GAS6: variants seen among roughly 807,000 people sequenced by gnomAD.
GAS6 encodes growth arrest specific 6.
GAS6 carries 41 observed loss-of-function variants against 75.8 expected under a neutral mutation model. That is an observed-to-expected ratio of 0.54 (90% CI 0.42 to 0.70). The LOEUF is 0.70. Ranked by LOEUF, GAS6 falls within the 30% of genes least tolerant of loss-of-function variation. The pLI is 0.00. For synonymous variants in GAS6, 432 were observed against 412.6 expected (o/e 1.05, Z -0.57); for missense variants, 854 against 940.2 (o/e 0.91, Z 1.20).
At chr13:113,846,809 C>A (rs2051837333) in intron 3 of GAS6, among the ~76,000 whole-genome samples, 3 of 152,236 alleles carry the variant, frequency 2.0e-5, no homozygotes, top group Admixed American at 1.3e-4. Flanking sequence ...GAGTTGTGCA[C>A]CCACAGTCAA....
In GAS6 at chr13:113,863,810, G is replaced by T. The variant is rs931900426; in HGVS notation, c.88+23C>A. On this transcript the variant is annotated intron_variant, in intron 1 of 14. Transcript: ENST00000327773. The surrounding 1 kb of genome is among the most constrained non-coding windows in gnomAD (Gnocchi z 9.4). ...GCCTCCTCCCGCCGCCCGGGGACGG[G>T]GTCTCGGGCCCGCGGGACTCACCAA... 1.4e-6 allele frequency: 2 copies of T among 1,383,150 alleles called. No individual in the cohort carries two copies. The highest frequency in any genetic ancestry group is 1.9e-6 in the Non-Finnish European group (2 of 1,080,938). The allele number at this position is 1,383,150 out of a possible 1,614,324, so 85.7% of individuals were successfully genotyped here.
chr13:113,823,138 C>T (rs2051482608), intron 13 of GAS6: 1 of 465,700 alleles, frequency 2.1e-6, no homozygotes, highest in Non-Finnish European at 3.8e-6. Context: ...CACTGTGAGC[C>T]GAGTGTGGCT....
Position 113,846,569 on chromosome 13 carries a change from A to G in GAS6, c.301T>C (p.Ser101Pro), listed in dbSNP as rs981050896. The change falls in exon 4 of 15, where the codon TCT (serine) becomes CCT (proline). Residue 101 changes from serine to proline, a missense_variant. Transcript: ENST00000327773. ...RYLDCINKYG[S>P]PYTKNSGFAT... ...AAGCCTGAGTTTTTGGTGTACGGAG[A>G]CCCATACTTGTTGATGCAGTCTGCA... 1 of 1,613,996 alleles carries G rather than the reference A, an allele frequency of 6.2e-7. No homozygotes were observed. The highest frequency in any genetic ancestry group is 1.3e-5 in the African/African-American group (1 of 75,042).
At position 113,828,535 on chromosome 13, in the gene GAS6, T is replaced by G. The variant is rs774690143; in HGVS notation, c.1308+12A>C. Reference sequence around the variant, plus strand: ...CACGGCGCGTCTACACAGGGACAGGTACAGTACTCACAGGCTGCACGAGGT... The same window carrying G: ...CACGGCGCGTCTACACAGGGACAGGGACAGTACTCACAGGCTGCACGAGGT... On this transcript the variant is annotated intron_variant, in intron 11 of 14. Transcript: ENST00000327773. The G allele has an allele frequency of 5.0e-6, 8 of 1,611,726 alleles. No individual in the cohort carries two copies. The African/African-American group carries it at 1.1e-4, about 22-fold the overall frequency.
At chr13:113,840,742 G>C (rs1451922615) in intron 4 of GAS6, 1 of 152,236 alleles carries the variant, frequency 6.6e-6, no homozygotes, top group Non-Finnish European at 1.5e-5. Flanking sequence ...GAAGCAGCTC[G>C]GGGCTGAGCA....
chr13:113,860,890 G>GT lies in GAS6; in HGVS notation c.255+2684dup, dbSNP rs542292223. Among the ~76,000 whole-genome samples, 6 of 152,308 alleles carry GT rather than the reference G, an allele frequency of 3.9e-5. No individual in the cohort carries two copies. In the South Asian group the frequency reaches 1.2e-3, roughly 32 times the overall value. ...GGGCTTAGTATCCGCCTGCTGGAAG[G>GT]TGGGGGTCTGCAGAGCAGGCACTTC... On this transcript the variant is annotated intron_variant, in intron 2 of 14. Transcript: ENST00000327773.
At chr13:113,821,218 G>A (rs2051453602) in intron 14 of GAS6, 200 bp from the exon 15 acceptor site, 2 of 607,366 alleles carry the variant, frequency 3.3e-6, no homozygotes, top group South Asian at 2.0e-5. Flanking sequence ...GCCAGCCTGG[G>A]CTCTGCAGAC....
chr13:113,852,975 C>T (rs140644064), intron 2 of GAS6, among the ~76,000 whole-genome samples: 2,381 of 152,286 alleles, frequency 0.016, 35 homozygotes, highest in Non-Finnish European at 0.021. Flanking sequence ...GTGAAGAGAC[C>T]CTCCAAGGGG....
chr13:113,832,747 G>A lies in GAS6; in HGVS notation c.840C>T (p.Ile280=), dbSNP rs527535980. Reference sequence around the variant, plus strand: ...CCACGCTGAAGGGCACGCACGGCAAGATGTCCTGCCACGGACGGGGGCCAC... The same window carrying A: ...CCACGCTGAAGGGCACGCACGGCAAAATGTCCTGCCACGGACGGGGGCCAC... ...LSQDMDTCED[I]LPCVPFSVAK... Residue 280 remains isoleucine, a synonymous_variant, in exon 9 of 15, where the codon ATC becomes ATT. Transcript: ENST00000327773. 3.1e-6 allele frequency: 5 copies of A among 1,612,694 alleles called. No individual in the cohort carries two copies. In the East Asian group the frequency reaches 1.1e-4, roughly 36 times the overall value.
intron 10 of GAS6, among the ~76,000 whole-genome samples, chr13:113,830,137 A>G (rs554283174): frequency 6.6e-6 from 1 of 152,370 alleles, no homozygotes; most frequent in African/African-American, 2.4e-5. Context: ...CCTGAGCTTC[A>G]GAAGAATATC....
rs538762230 is a variant in GAS6, at chr13:113,856,780, G to A, written c.255+6795C>T. ...CCACTGCGCCTCCCTGAGAGCTCCC[G>A]CGTCCGGGCTGCCCTCATTTGGAGT... On this transcript the variant is annotated intron_variant, in intron 2 of 14. Coordinates refer to ENST00000327773, the MANE Select transcript of GAS6 (RefSeq NM_000820.4). Among the ~76,000 whole-genome samples the A allele has an allele frequency of 3.0e-3, 450 of 152,328 alleles. 6 individuals carry two copies. The highest frequency in any genetic ancestry group is 0.01 in the African/African-American group (427 of 41,558).
At position 113,821,043 on chromosome 13, in the gene GAS6, T is replaced by A. The variant is rs371141185; in HGVS notation, c.1883-25A>T. 1.9e-6 allele frequency: 3 copies of A among 1,605,796 alleles called. No individual in the cohort carries two copies. In the African/African-American group the frequency reaches 4.0e-5, roughly 21 times the overall value. ...TCTGGGCCGCAGGGAGAGAACAACA[T>A]ATCTTAGCTCACCACGTGGCCGGCC... On this transcript the variant is annotated intron_variant, in intron 14 of 14. Transcript: ENST00000327773.
At chr13:113,821,064 C>T (rs375245164) in intron 14 of GAS6, 46 bp from the exon 15 acceptor site, 16 of 1,590,680 alleles carry the variant, frequency 1.0e-5, no homozygotes, top group African/African-American at 4.0e-5. Flanking sequence ...ACCACGTGGC[C>T]GGCCCCGCCT....
Position 113,826,592 on chromosome 13 carries a change from A to G in GAS6, c.1477+404T>C, listed in dbSNP as rs1196311542. 1.6e-4 allele frequency among the ~76,000 whole-genome samples: 13 copies of G among 82,190 alleles called. 3 individuals are homozygous for G. The highest frequency in any genetic ancestry group is 2.5e-4 in the Non-Finnish European group (11 of 43,842). The allele number at this position is 82,190 out of a possible 152,430, so 53.9% of individuals were successfully genotyped here. A position where few individuals can be genotyped will look rare whatever the true frequency, so the allele number is the denominator to read the frequency against. ...GCCTCCCGGCGCTGGCCTCGCAGGC[A>G]CCTTCTCTCCCCGGCCTCCCGGCGC... On this transcript the variant is annotated intron_variant, in intron 12 of 14. Coordinates refer to ENST00000327773, the MANE Select transcript of GAS6 (RefSeq NM_000820.4).
At chr13:113,829,712 C>T (rs1163145635) in intron 10 of GAS6, among the ~76,000 whole-genome samples, 1 of 149,992 alleles carries the variant, frequency 6.7e-6, no homozygotes, top group Non-Finnish European at 1.5e-5. Flanking sequence ...ACCTGATCCT[C>T]ACCTGGGCCA....
intron 4 of GAS6, chr13:113,843,799 T>C (rs1278621083): frequency 6.6e-6 from 1 of 150,936 alleles, no homozygotes; most frequent in Non-Finnish European, 1.5e-5. Flanking sequence ...GAATTTGGAC[T>C]TTATGGGGCT....
rs1192976775 is a variant in GAS6 at position 113,821,985 on chromosome 13, C to T, written c.1855G>A (p.Val619Met). Residue 619 changes from valine to methionine, a missense_variant, in exon 14 of 15, where the codon GTG becomes ATG. Physicochemically the swap from Val to Met is conservative, Grantham distance 21 (BLOSUM62 1). Transcript: ENST00000327773. Reference sequence around the variant, plus strand: ...GGCAGGCCGCCAGCAAAGGTGAGCACGGGGCTCCGCAGGTGCCTCTCGAGC... The same window carrying T: ...GGCAGGCCGCCAGCAAAGGTGAGCATGGGGCTCCGCAGGTGCCTCTCGAGC... ...AVLERHLRSPVLTFAGGLPDV... is the reference protein window; with the variant it reads ...AVLERHLRSPMLTFAGGLPDV... 7 of 1,544,096 alleles carry T rather than the reference C, an allele frequency of 4.5e-6. No homozygotes were observed. In the East Asian group the frequency reaches 7.3e-5, roughly 16 times the overall value.
At chr13:113,842,649 T>TCAGACACGTGCAGGGCAGGCGGCCTGTG (rs2051798515) in intron 4 of GAS6, 1 of 396,558 alleles carries the variant, frequency 2.5e-6, no homozygotes, top group East Asian at 3.6e-5. Context: ...CAGGAGGGAG[T>TCAGACACGTGCAGGGCAGGCGGCCTGTG]CAGACACGTG....
At chr13:113,821,412 G>A (rs1022236204) in intron 14 of GAS6, 9 of 242,028 alleles carry the variant, frequency 3.7e-5, no homozygotes, top group African/African-American at 6.6e-5. Context: ...CCTGCCGTTT[G>A]CCGCAAGTGA....
Sources: gnomAD v4.1 joint callset for allele counts (sites outside exome capture counted in the v4.1 genomes callset) on GRCh38, gnomAD v4.1.1 for gene constraint, Gnocchi (gnomAD v3.1) non-coding constraint, MANE v1.5 for transcripts, NCBI Gene and HGNC (gene_info 2026-07-23, HGNC 2026-07-21) for gene names.